The following NCKAP5 variants were observed in gnomAD, a reference collection of about 807,000 sequenced individuals.
The protein encoded by NCKAP5 is NCK associated protein 5.
NCKAP5 carries 92 observed loss-of-function variants against 167.0 expected under a neutral mutation model. That is an observed-to-expected ratio of 0.55 (90% CI 0.47 to 0.66). The LOEUF (loss-of-function observed/expected upper bound fraction) is 0.66. NCKAP5 is among the 30% of genes least tolerant of loss of function. The pLI is 0.00. For synonymous variants in NCKAP5, 891 were observed against 877.4 expected (o/e 1.02, Z -0.27); for missense variants, 2,378 against 2,315.0 (o/e 1.03, Z -0.56).
intron 6 of NCKAP5, among the ~76,000 whole-genome samples, chr2:133,115,817 A>ATATATATATG (rs2082061298): frequency 1.3e-5 from 1 of 75,188 alleles, no homozygotes; most frequent in Non-Finnish European, 2.5e-5. Flanking sequence ...ATATATATAT[A>ATATATATATG]GTGTTCACAC....
At chr2:133,420,283 A>C (rs1689389897) in intron 3 of NCKAP5, among the ~76,000 whole-genome samples, 1 of 152,250 alleles carries the variant, frequency 6.6e-6, no homozygotes, top group Non-Finnish European at 1.5e-5. Flanking sequence ...GCAATTAAAA[A>C]ATGAAGCACT....
At chr2:132,886,300 G>A (rs893088421) in intron 8 of NCKAP5, among the ~76,000 whole-genome samples, 1 of 152,154 alleles carries the variant, frequency 6.6e-6, no homozygotes, top group African/African-American at 2.4e-5. Flanking sequence ...TATACCTGGA[G>A]ACAACTTTTT....
chr2:133,564,335 G>T (rs1688394173), intron 1 of NCKAP5, among the ~76,000 whole-genome samples: 1 of 152,192 alleles, frequency 6.6e-6, no homozygotes, highest in South Asian at 2.1e-4. Context: ...AGTGATTGAT[G>T]TTGGAAGAAA....
chr2:133,672,572 T>C, the NCKAP5 span, among the ~76,000 whole-genome samples: 3 of 152,200 alleles, frequency 2.0e-5, no homozygotes, highest in Non-Finnish European at 4.4e-5. Flanking sequence ...ATGTTTAGCC[T>C]CTCAAACTTT....
intron 8 of NCKAP5, among the ~76,000 whole-genome samples, chr2:132,950,740 T>G (rs1184123945): frequency 1.3e-5 from 2 of 152,180 alleles, no homozygotes; most frequent in South Asian, 4.1e-4. Flanking sequence ...CTTCTCATTT[T>G]AAGCTGGAAT....
At chr2:133,186,510 G>A (rs2084953256) in intron 5 of NCKAP5, among the ~76,000 whole-genome samples, 1 of 152,036 alleles carries the variant, frequency 6.6e-6, no homozygotes, top group South Asian at 2.1e-4. Context: ...CAATTTTTTG[G>A]AATAGTTCTA....
At chr2:133,434,765 T>C (rs184696808) in intron 3 of NCKAP5, among the ~76,000 whole-genome samples, 1 of 152,306 alleles carries the variant, frequency 6.6e-6, no homozygotes, top group East Asian at 1.9e-4. Flanking sequence ...GAATGAATGG[T>C]TGACTATAAA....
intron 3 of NCKAP5, among the ~76,000 whole-genome samples, chr2:133,384,815 G>A (rs942684809): frequency 1.3e-5 from 2 of 152,088 alleles, no homozygotes; most frequent in Non-Finnish European, 2.9e-5. Context: ...TGAAGCAATT[G>A]TGAATGGGAA....
Position 133,298,964 on chromosome 2 carries a change from T to C in NCKAP5, c.143+4073A>G, listed in dbSNP as rs182947179. ...ATTAACTGGTGTGCAACATGACGCA[T>C]GTATACATATGTAGTAACAAACCTG... is the stretch of plus-strand genomic sequence containing the variant. On this transcript the variant is annotated intron_variant, in intron 4 of 19. Transcript: ENST00000409261. Among the ~76,000 whole-genome samples the C allele has an allele frequency of 3.2e-3, 487 of 152,174 alleles. 3 individuals carry two copies. The highest frequency in any genetic ancestry group is 0.011 in the African/African-American group (460 of 41,544).
intron 6 of NCKAP5, among the ~76,000 whole-genome samples, chr2:133,056,145 T>C (rs1025018642): frequency 1.3e-5 from 2 of 152,312 alleles, no homozygotes; most frequent in African/African-American, 4.8e-5. Flanking sequence ...ACTTTCTCGA[T>C]GACCTGCTCA....
At chr2:132,872,322 C>T (rs1352719605) in intron 9 of NCKAP5, among the ~76,000 whole-genome samples, 3 of 152,296 alleles carry the variant, frequency 2.0e-5, no homozygotes, top group South Asian at 2.1e-4. Context: ...TTTTCTCAGA[C>T]AATCTAGCTC....
chr2:133,435,678 G>A (rs1305887368), intron 3 of NCKAP5, among the ~76,000 whole-genome samples: 1 of 152,168 alleles, frequency 6.6e-6, no homozygotes, highest in East Asian at 1.9e-4. Context: ...AAAAAGCAGG[G>A]AATTTTGCAT....
chr2:133,010,981 CA>C (rs1169083591), intron 6 of NCKAP5, among the ~76,000 whole-genome samples: 8 of 151,956 alleles, frequency 5.3e-5, no homozygotes, highest in African/African-American at 1.9e-4. Context: ...AAAAGAAGCA[CA>C]ATTCTCAGAT....
rs1016845729 is a variant in NCKAP5, at chr2:133,116,508, A to G, written c.341+13470T>C. Among the ~76,000 whole-genome samples the G allele has an allele frequency of 1.5e-4, 13 of 85,244 alleles. 2 individuals carry two copies. Among genetic ancestry groups the G allele is most frequent in the Non-Finnish European group, 2.2e-4 (10 of 46,012 alleles). 55.9% of individuals were successfully genotyped at this position (85,244 alleles called of 152,430 possible). A position where few individuals can be genotyped will look rare whatever the true frequency, so the allele number is the denominator to read the frequency against. On this transcript the variant is annotated intron_variant, in intron 6 of 19. Coordinates refer to ENST00000409261, the MANE Select transcript of NCKAP5 (RefSeq NM_207363.3). The stretch of plus-strand genomic sequence containing the variant: ...GTCTCAAAAAAAAAAAAAAAAAAAA[A>G]AAAAAAAAGAAAAATTTGTCAGTCA...
rs1688599936 is a variant in NCKAP5 at position 132,708,915 on chromosome 2, T to A, written c.5713+16712A>T. ...GTGTCCATTGATGAATAGAAGCTCC[T>A]AATTTTCAAGGAATGTTAATGCTTT... On this transcript the variant is annotated intron_variant, in intron 19 of 19. Coordinates refer to ENST00000409261, the MANE Select transcript of NCKAP5 (RefSeq NM_207363.3). Among the ~76,000 whole-genome samples, 6 of 152,300 alleles carry A rather than the reference T, an allele frequency of 3.9e-5. 1 individual carries two copies. In the South Asian group the frequency reaches 1.2e-3, roughly 32 times the overall value.
chr2:132,832,287 T>G (rs887470830), intron 11 of NCKAP5, among the ~76,000 whole-genome samples: 1 of 152,168 alleles, frequency 6.6e-6, no homozygotes, highest in South Asian at 2.1e-4. Context: ...AGGCATTTCA[T>G]AGAGTGCTTG....
chr2:132,926,674 C>G (rs1392399910), intron 8 of NCKAP5, among the ~76,000 whole-genome samples: 1 of 152,018 alleles, frequency 6.6e-6, no homozygotes, highest in Non-Finnish European at 1.5e-5. Context: ...TGTATGTCTT[C>G]TTTTGAAAAA....
chr2:133,449,478 C>T (rs1691411605), intron 3 of NCKAP5, among the ~76,000 whole-genome samples: 4 of 152,170 alleles, frequency 2.6e-5, no homozygotes, highest in African/African-American at 7.2e-5. Flanking sequence ...AGGGAACACA[C>T]GTTCTCCCTA....
intron 18 of NCKAP5, among the ~76,000 whole-genome samples, chr2:132,727,547 C>T (rs1192889210): frequency 6.6e-6 from 1 of 152,228 alleles, no homozygotes; most frequent in Non-Finnish European, 1.5e-5. Flanking sequence ...AAGATTGTAG[C>T]CCTTCAGGTG....
Sources: gnomAD v4.1 joint callset for allele counts (sites outside exome capture counted in the v4.1 genomes callset) on GRCh38, gnomAD v4.1.1 for gene constraint, MANE v1.5 for transcripts, NCBI Gene and HGNC (gene_info 2026-07-23, HGNC 2026-07-21) for gene names.